The following DYNLRB1 variants were observed in gnomAD, a reference collection of about 807,000 sequenced individuals.
DYNLRB1 encodes the protein dynein light chain roadblock-type 1.
Under a neutral mutation model 13.5 loss-of-function variants are expected in DYNLRB1, and 6 were observed. That is an observed-to-expected ratio of 0.44 (90% CI 0.24 to 0.88). The LOEUF (loss-of-function observed/expected upper bound fraction) is 0.88, where lower values mean the gene tolerates loss of function less well. Among genes scored for constraint, DYNLRB1 ranks in the 40% least tolerant of loss-of-function variants. The pLI is 0.21. For missense variants in DYNLRB1, 93 were observed against 127.2 expected (o/e 0.73, Z 1.29); for synonymous variants, 43 against 45.0 (o/e 0.96, Z 0.18).
At chr20:34,536,294 C>T in intron 3 of DYNLRB1, 3 of 985,372 alleles carry the variant, frequency 3.0e-6, no homozygotes, top group Non-Finnish European at 3.6e-6. Flanking sequence ...TGTAAAGTGT[C>T]GAGTAGGGGA....
chr20:34,516,997 G>A, intron 1 of DYNLRB1: 2 of 1,256,682 alleles, frequency 1.6e-6, no homozygotes, highest in Admixed American at 3.8e-5. Flanking sequence ...CTTGACGGCC[G>A]CCACTCTGTC....
intron 3 of DYNLRB1, among the ~76,000 whole-genome samples, chr20:34,540,048 T>C (rs1981458044): frequency 6.6e-6 from 1 of 152,206 alleles, no homozygotes. Flanking sequence ...AATTCCATCT[T>C]TGACACTAAG....
intron 1 of DYNLRB1, among the ~76,000 whole-genome samples, chr20:34,524,968 G>A (rs1156493692): frequency 4.6e-5 from 7 of 152,198 alleles, no homozygotes; most frequent in South Asian, 4.1e-4. Flanking sequence ...CTCATGATCC[G>A]CCCATCTCGG....
rs557057104 is a variant in DYNLRB1, at chr20:34,521,329, T to A, written c.3+4868T>A. On this transcript the variant is annotated intron_variant, in intron 1 of 3. Coordinates refer to ENST00000357156, the MANE Select transcript of DYNLRB1 (RefSeq NM_014183.4). ...CCCAGCTGAATTTTTCATTTGTTTG[T>A]GAGGGATGATGACCATGGTTTGATG... 3.9e-5 allele frequency among the ~76,000 whole-genome samples: 6 copies of A among 152,278 alleles called. No individual in the cohort carries two copies. The South Asian group carries it at 1.2e-3, about 32-fold the overall frequency.
rs1292345460 is a variant in DYNLRB1 at position 34,526,513 on chromosome 20, A to G, written c.79+170A>G. The G allele has an allele frequency of 1.6e-5, 8 of 499,678 alleles. No homozygotes were observed. In the Admixed American group the frequency reaches 3.3e-4, roughly 20 times the overall value. 31.0% of individuals were successfully genotyped at this position (499,678 alleles called of 1,614,324 possible). On this transcript the variant is annotated intron_variant, in intron 2 of 3. Coordinates refer to ENST00000357156, the MANE Select transcript of DYNLRB1 (RefSeq NM_014183.4). Reference sequence around the variant, plus strand: ...TTTTTTTTTTTTTTTTTTTTCATTAAGGCTAGTCAGGTGAAGCAGCGGGAG... The same window carrying G: ...TTTTTTTTTTTTTTTTTTTTCATTAGGGCTAGTCAGGTGAAGCAGCGGGAG...
chr20:34,521,759 A>G (rs886451213), intron 1 of DYNLRB1, among the ~76,000 whole-genome samples: 1 of 152,178 alleles, frequency 6.6e-6, no homozygotes, highest in Non-Finnish European at 1.5e-5. Context: ...AAGATGACAT[A>G]CTTATGGCCG....
chr20:34,538,436 A>G (rs1377272095), intron 3 of DYNLRB1, among the ~76,000 whole-genome samples: 1 of 152,048 alleles, frequency 6.6e-6, no homozygotes, highest in Non-Finnish European at 1.5e-5. Flanking sequence ...CCCAGTCTCA[A>G]AAAACAAAAC....
intron 1 of DYNLRB1, among the ~76,000 whole-genome samples, chr20:34,524,804 A>T (rs1466656977): frequency 6.6e-6 from 1 of 151,496 alleles, no homozygotes; most frequent in African/African-American, 2.4e-5. Context: ...GCTTACTGCA[A>T]GCTCCACCCC....
At chr20:34,530,419 C>A in intron 2 of DYNLRB1, 1 of 422,406 alleles carries the variant, frequency 2.4e-6, no homozygotes, top group Non-Finnish European at 3.2e-6. Flanking sequence ...ATAATTCTGC[C>A]TTCCTCTAGG....
intron 2 of DYNLRB1, 142 bp downstream of exon 2, chr20:34,526,485 CTTTTTTTTT>C (rs386393667): frequency 3.3e-5 from 8 of 238,946 alleles, no homozygotes; most frequent in Middle Eastern, 1.5e-3. Context: ...CTCCAGTGTT[CTTTTTTTTT>C]TTTTTTTTTT....
Position 34,516,467 on chromosome 20 carries a change from C to T in DYNLRB1, c.3+6C>T, listed in dbSNP as rs531417577. On this transcript the variant is annotated splice_donor_region_variant and intron_variant, in intron 1 of 3. Transcript: ENST00000357156. ...TACCGGATCGGTCGGAAATGGTGAG[C>T]GTGCGCCGGGGTCTTGTGGCTGGCG... 12 of 1,613,258 alleles carry T rather than the reference C, an allele frequency of 7.4e-6. No individual in the cohort carries two copies. In the Admixed American group the frequency reaches 1.7e-4, roughly 22 times the overall value.
intron 1 of DYNLRB1, among the ~76,000 whole-genome samples, chr20:34,519,073 GGTAGAGACAGGGTTTTTTTTCTATTTTTA>G (rs1352352959): frequency 1.3e-5 from 2 of 151,460 alleles, no homozygotes; most frequent in African/African-American, 4.9e-5. Context: ...TTCTATTTTT[GGTAGAGACAGGGTTTTTTTTCTATTTTTA>G]GTAGAGACAG....
At chr20:34,536,868 C>G (rs1220132507) in intron 3 of DYNLRB1, among the ~76,000 whole-genome samples, 2 of 152,002 alleles carry the variant, frequency 1.3e-5, no homozygotes, top group South Asian at 2.1e-4. Context: ...GAGCAAATTA[C>G]TTGGTCTCCA....
chr20:34,516,347 G>C (rs560865682), upstream of DYNLRB1: 68 of 1,466,072 alleles, frequency 4.6e-5, no homozygotes, highest in Non-Finnish European at 5.8e-5. Flanking sequence ...CCTCACGCTG[G>C]CTCCTGATAG....
At chr20:34,517,713 C>A (rs746544580) in intron 1 of DYNLRB1, among the ~76,000 whole-genome samples, 15 of 149,092 alleles carry the variant, frequency 1.0e-4, no homozygotes, top group Non-Finnish European at 1.6e-4. Flanking sequence ...ACTGCCACCT[C>A]CGCCTCCCAG....
chr20:34,517,540 A>G (rs941056203), intron 1 of DYNLRB1, among the ~76,000 whole-genome samples: 62 of 152,134 alleles, frequency 4.1e-4, no homozygotes, highest in Middle Eastern at 3.2e-3. Context: ...TATACATGTA[A>G]TATTTTGATA....
At position 34,516,480 on chromosome 20, in the gene DYNLRB1, CTTGTG is replaced by C; in HGVS notation, c.3+20_3+24del. On this transcript the variant is annotated intron_variant, in intron 1 of 3. Coordinates refer to ENST00000357156, the MANE Select transcript of DYNLRB1 (RefSeq NM_014183.4). ...GGAAATGGTGAGCGTGCGCCGGGGT[CTTGTG>C]GCTGGCGGCCGCCCACCACCCCACG... is the stretch of plus-strand genomic sequence containing the variant. 6.2e-7 allele frequency: 1 copy of C among 1,612,406 alleles called. No individual in the cohort carries two copies. The highest frequency in any genetic ancestry group is 1.7e-5 in the Admixed American group (1 of 59,916).
At chr20:34,525,145 G>T (rs1213283007) in intron 1 of DYNLRB1, among the ~76,000 whole-genome samples, 3 of 152,050 alleles carry the variant, frequency 2.0e-5, no homozygotes, top group Non-Finnish European at 4.4e-5. Flanking sequence ...AGAAAAACAA[G>T]AATTCATTGT....
chr20:34,536,874 C>T (rs1051876275), intron 3 of DYNLRB1, among the ~76,000 whole-genome samples: 8 of 152,208 alleles, frequency 5.3e-5, no homozygotes, highest in African/African-American at 1.9e-4. Flanking sequence ...ATTACTTGGT[C>T]TCCAAATCAG....
Sources: allele counts gnomAD v4.1 joint callset (sites outside exome capture counted in the v4.1 genomes callset), GRCh38; gene constraint gnomAD v4.1.1; transcripts MANE v1.5; gene names NCBI Gene and HGNC (gene_info 2026-07-23, HGNC 2026-07-21).